Variants in KIRREL1 observed in about 807,000 individuals in gnomAD.
KIRREL1 encodes kirre like nephrin family adhesion molecule 1.
In KIRREL1, 25 loss-of-function variants were observed where a neutral mutation model predicts 83.3. The observed-to-expected ratio is 0.30, with a 90% CI of 0.22 to 0.42. The LOEUF (loss-of-function observed/expected upper bound fraction) is 0.42. Ranked by LOEUF, KIRREL1 falls within the 10% of genes least tolerant of loss-of-function variation. The probability of loss-of-function intolerance (pLI) is 1.00; values close to 1 mark genes in which losing one functional copy is unlikely to be tolerated. For synonymous variants in KIRREL1, 388 were observed against 410.4 expected, an observed-to-expected ratio of 0.95 and a Z score of 0.66; for missense variants, 812 against 1,032.3, an observed-to-expected ratio of 0.79 and a Z score of 2.92.
chr1:158,007,287 A>G (rs1338156230), intron 1 of KIRREL1, among the ~76,000 whole-genome samples: 1 of 152,196 alleles, frequency 6.6e-6, no homozygotes, highest in African/African-American at 2.4e-5. Flanking sequence ...GAGCTGGGTC[A>G]TCAGCGAGGG....
intron 1 of KIRREL1, among the ~76,000 whole-genome samples, chr1:158,046,658 G>A (rs917461943): frequency 7.9e-5 from 12 of 152,240 alleles, no homozygotes; most frequent in African/African-American, 2.4e-4. Flanking sequence ...CCAAAAGACT[G>A]TGGGGTCCTG....
intron 1 of KIRREL1, among the ~76,000 whole-genome samples, chr1:158,034,463 G>T (rs948461385): frequency 1.3e-5 from 2 of 151,986 alleles, no homozygotes; most frequent in African/African-American, 4.8e-5. Context: ...AAAATGGAAG[G>T]GTGTTGTTTT....
intron 5 of KIRREL1, 37 bp downstream of exon 5, chr1:158,086,783 G>A (rs1047424625): frequency 3.5e-5 from 50 of 1,429,672 alleles, no homozygotes; most frequent in Non-Finnish European, 4.6e-5. Context: ...GAGCAGGGGG[G>A]TGGAAGAAGG....
intron 1 of KIRREL1, among the ~76,000 whole-genome samples, chr1:158,048,570 G>A (rs1660833394): frequency 6.6e-6 from 1 of 152,240 alleles, no homozygotes; most frequent in Non-Finnish European, 1.5e-5. Context: ...GAACATCAAA[G>A]TTGGAAGAGA....
chr1:158,017,648 C>A (rs985786759), intron 1 of KIRREL1, among the ~76,000 whole-genome samples: 1 of 151,856 alleles, frequency 6.6e-6, no homozygotes, highest in African/African-American at 2.4e-5. Context: ...GCCGAGATTG[C>A]GCTACTGCAC....
At chr1:158,014,691 G>A (rs955218330) in intron 1 of KIRREL1, among the ~76,000 whole-genome samples, 1 of 142,964 alleles carries the variant, frequency 7.0e-6, no homozygotes, top group African/African-American at 2.5e-5. Flanking sequence ...GGGGGGGGGG[G>A]GGCGGGGGGA....
chr1:158,055,275 G>A lies in KIRREL1; in HGVS notation c.53-20838G>A, dbSNP rs118168147. Reference sequence around the variant, plus strand: ...CCAGAGCTCCTAGAGCCTGACTTTCGCTGTCATGATTAACAGCTGTTTGCA... The same window carrying A: ...CCAGAGCTCCTAGAGCCTGACTTTCACTGTCATGATTAACAGCTGTTTGCA... On this transcript the variant is annotated intron_variant, in intron 1 of 14. Transcript: ENST00000359209. 1.6e-4 allele frequency among the ~76,000 whole-genome samples: 24 copies of A among 152,116 alleles called. 2 individuals carry two copies. In the East Asian group the frequency reaches 4.1e-3, roughly 26 times the overall value.
At chr1:158,080,488 T>G (rs1232601771) in intron 3 of KIRREL1, among the ~76,000 whole-genome samples, 2 of 152,164 alleles carry the variant, frequency 1.3e-5, no homozygotes, top group Non-Finnish European at 2.9e-5. Context: ...GCCGACTGGC[T>G]TGTTTCGAGG....
At chr1:158,021,581 G>A (rs1261673317) in intron 1 of KIRREL1, among the ~76,000 whole-genome samples, 1 of 152,178 alleles carries the variant, frequency 6.6e-6, no homozygotes, top group East Asian at 1.9e-4. Context: ...CTATGTGTAA[G>A]TCTGTAATTG....
rs1010447132 is a variant in KIRREL1, at chr1:157,993,750, C to A, written c.52+22C>A. ...CAAGGTAAGGGCCCCCAGCCCACCC[C>A]CGGACGCTCGGCTTCCCCCCGGGGC... On this transcript the variant is annotated intron_variant, in intron 1 of 14. Coordinates refer to ENST00000359209, the MANE Select transcript of KIRREL1 (RefSeq NM_018240.7). The A allele has an allele frequency of 2.0e-6, 3 of 1,464,634 alleles. No individual in the cohort carries two copies. In the South Asian group the frequency reaches 4.0e-5, roughly 20 times the overall value. The allele number at this position is 1,464,634 out of a possible 1,614,324, so 90.7% of individuals were successfully genotyped here. A position where few individuals can be genotyped will look rare whatever the true frequency, so the allele number is the denominator to read the frequency against.
chr1:158,024,483 T>C (rs997846219), intron 1 of KIRREL1, among the ~76,000 whole-genome samples: 1 of 151,828 alleles, frequency 6.6e-6, no homozygotes, highest in Non-Finnish European at 1.5e-5. Flanking sequence ...TTCACCATGA[T>C]GGCCAGGCTG....
chr1:158,003,256 C>A (rs1659417913), intron 1 of KIRREL1, among the ~76,000 whole-genome samples: 1 of 152,064 alleles, frequency 6.6e-6, no homozygotes, highest in Admixed American at 6.6e-5. Context: ...GCAGGCAGGG[C>A]AGAGGAGGAG....
At chr1:158,006,525 C>T (rs1272519466) in intron 1 of KIRREL1, among the ~76,000 whole-genome samples, 10 of 152,328 alleles carry the variant, frequency 6.6e-5, no homozygotes, top group Non-Finnish European at 8.8e-5. Context: ...TCCTGGGCCC[C>T]GCGTGAGCCC....
chr1:157,993,732 A>G lies in KIRREL1; in HGVS notation c.52+4A>G. 1.3e-6 allele frequency: 2 copies of G among 1,489,792 alleles called. No homozygotes were observed. The highest frequency in any genetic ancestry group is 1.3e-5 in the South Asian group (1 of 77,676). 92.3% of individuals were successfully genotyped at this position (1,489,792 alleles called of 1,614,324 possible). On this transcript the variant is annotated splice_donor_region_variant and intron_variant, in intron 1 of 14. Coordinates refer to ENST00000359209, the MANE Select transcript of KIRREL1 (RefSeq NM_018240.7). Reference sequence around the variant, plus strand: ...CTCTCCGATACTTTCTCCCAAGGTAAGGGCCCCCAGCCCACCCCCGGACGC... The same window carrying G: ...CTCTCCGATACTTTCTCCCAAGGTAGGGGCCCCCAGCCCACCCCCGGACGC...
intron 1 of KIRREL1, among the ~76,000 whole-genome samples, chr1:158,014,981 G>A (rs1191817888): frequency 2.6e-5 from 4 of 152,106 alleles, no homozygotes; most frequent in Non-Finnish European, 5.9e-5. Context: ...TTTCCAGCAG[G>A]CTTAATCTTC....
At chr1:158,040,621 G>A (rs1450101570) in intron 1 of KIRREL1, among the ~76,000 whole-genome samples, 1 of 152,242 alleles carries the variant, frequency 6.6e-6, no homozygotes, top group Non-Finnish European at 1.5e-5. Flanking sequence ...GCTTCACAGT[G>A]GAGGTGGTTT....
chr1:158,094,224 A>G lies in KIRREL1; in HGVS notation c.1720-89A>G. On this transcript the variant is annotated intron_variant, in intron 13 of 14. Transcript: ENST00000359209. The surrounding 1 kb of genome is among the most constrained non-coding windows in gnomAD (Gnocchi z 4.6). Reference sequence around the variant, plus strand: ...TTGACCTCAGACCCCACCCATGAGCAGGTGGCCTCTGAGCGTGGGGAGGGG... The same window carrying G: ...TTGACCTCAGACCCCACCCATGAGCGGGTGGCCTCTGAGCGTGGGGAGGGG... 1 of 1,050,638 alleles carries G rather than the reference A, an allele frequency of 9.5e-7. No individual in the cohort carries two copies. The highest frequency in any genetic ancestry group is 2.6e-5 in the East Asian group (1 of 38,824). 65.1% of individuals were successfully genotyped at this position (1,050,638 alleles called of 1,614,324 possible). A position where few individuals can be genotyped will look rare whatever the true frequency, so the allele number is the denominator to read the frequency against.
At chr1:158,017,499 C>G (rs562712047) in intron 1 of KIRREL1, among the ~76,000 whole-genome samples, 1 of 152,082 alleles carries the variant, frequency 6.6e-6, no homozygotes, top group South Asian at 2.1e-4. Flanking sequence ...TGAGACCAGT[C>G]TGGCCAACAT....
chr1:158,061,462 AGT>A (rs2101605818), intron 1 of KIRREL1, among the ~76,000 whole-genome samples: 1 of 152,316 alleles, frequency 6.6e-6, no homozygotes, highest in African/African-American at 2.4e-5. Flanking sequence ...GGAGTGAAAG[AGT>A]GTGAGAGAAG....
Sources: gnomAD v4.1 joint callset for allele counts (sites outside exome capture counted in the v4.1 genomes callset) on GRCh38, gnomAD v4.1.1 for gene constraint, Gnocchi (gnomAD v3.1) non-coding constraint, MANE v1.5 for transcripts, NCBI Gene and HGNC (gene_info 2026-07-23, HGNC 2026-07-21) for gene names.